The following CSGALNACT1 variants were observed in gnomAD, a reference collection of about 807,000 sequenced individuals.
The protein encoded by CSGALNACT1 is beta4GalNAcT-1.
A neutral mutation model predicts 51.0 loss-of-function variants in CSGALNACT1; 52 were observed. The observed-to-expected ratio is 1.02, with a 90% CI of 0.82 to 1.29. The LOEUF is 1.29. CSGALNACT1 is among the 50% of genes most tolerant of loss of function. The probability of loss-of-function intolerance (pLI) is 0.00; values close to 1 mark genes in which losing one functional copy is unlikely to be tolerated. For missense variants in CSGALNACT1, 935 were observed against 679.2 expected, an observed-to-expected ratio of 1.38 and a Z score of -4.19; for synonymous variants, 341 against 254.4, an observed-to-expected ratio of 1.34 and a Z score of -3.24.
At chr8:19,753,339 C>G (rs1399065461) in intron 1 of CSGALNACT1, among the ~76,000 whole-genome samples, 1 of 147,660 alleles carries the variant, frequency 6.8e-6, no homozygotes, top group South Asian at 2.1e-4. Context: ...GATTACTGAC[C>G]TAGACCTTGA....
At chr8:19,409,111 G>C (rs552832959) in intron 8 of CSGALNACT1, among the ~76,000 whole-genome samples, 1 of 152,200 alleles carries the variant, frequency 6.6e-6, no homozygotes, top group Non-Finnish European at 1.5e-5. Flanking sequence ...CAGCGAGCCA[G>C]CAAAGGGCTC....
intron 1 of CSGALNACT1, among the ~76,000 whole-genome samples, chr8:19,638,438 C>T (rs1409195901): frequency 6.6e-6 from 1 of 152,122 alleles, no homozygotes; most frequent in African/African-American, 2.4e-5. Flanking sequence ...TTTTCCTGCC[C>T]TGTAAGATTA....
intron 6 of CSGALNACT1, among the ~76,000 whole-genome samples, chr8:19,431,806 CTTTT>C (rs1475369541): frequency 8.9e-6 from 1 of 112,426 alleles, no homozygotes; most frequent in African/African-American, 2.8e-5. Flanking sequence ...GTGGAAAGTT[CTTTT>C]TTCTTTTTTT....
At chr8:19,427,729 C>T (rs1032850323) in intron 6 of CSGALNACT1, among the ~76,000 whole-genome samples, 5 of 151,866 alleles carry the variant, frequency 3.3e-5, no homozygotes, top group East Asian at 1.9e-4. Context: ...CGAAGCTTGC[C>T]GTTAGCCGAG....
At chr8:19,530,016 T>TG (rs2082426796) in intron 3 of CSGALNACT1, among the ~76,000 whole-genome samples, 1 of 152,130 alleles carries the variant, frequency 6.6e-6, no homozygotes, top group African/African-American at 2.4e-5. Context: ...GCTCAGGAGT[T>TG]GGAGTCCAGC....
intron 1 of CSGALNACT1, among the ~76,000 whole-genome samples, chr8:19,631,271 A>G (rs369551755): frequency 1.3e-5 from 2 of 152,200 alleles, no homozygotes; most frequent in South Asian, 2.1e-4. Context: ...GAAAAAAAAA[A>G]CTGCCAAACT....
At chr8:19,454,684 A>G (rs1369851953) in intron 5 of CSGALNACT1, among the ~76,000 whole-genome samples, 4 of 152,150 alleles carry the variant, frequency 2.6e-5, no homozygotes, top group African/African-American at 9.7e-5. Flanking sequence ...AAATAAATAA[A>G]TGATTGCTAA....
chr8:19,634,723 A>G (rs1387497016), intron 1 of CSGALNACT1, among the ~76,000 whole-genome samples: 1 of 152,158 alleles, frequency 6.6e-6, no homozygotes, highest in African/African-American at 2.4e-5. Flanking sequence ...ATATGGAGAC[A>G]CAGAGAGAAG....
At chr8:19,641,064 CA>C (rs1350025947) in intron 1 of CSGALNACT1, among the ~76,000 whole-genome samples, 3 of 151,318 alleles carry the variant, frequency 2.0e-5, no homozygotes. Context: ...TCTCTCCTTC[CA>C]TGGAGTTCTC....
Position 19,658,698 on chromosome 8 carries a change from CACTCCAGCCTGGGTGACAA to C in CSGALNACT1, c.-544+23756_-544+23774del, listed in dbSNP as rs2058506014. Among the ~76,000 whole-genome samples the C allele has an allele frequency of 5.3e-5, 8 of 152,258 alleles. No individual in the cohort carries two copies. In the South Asian group the frequency reaches 1.7e-3, roughly 32 times the overall value. Reference sequence around the variant, plus strand: ...ACAGTGAGCTGAGATCGCGACACTGCACTCCAGCCTGGGTGACAAAGCAAGGCCCTGTCTCAAAACAACA... The same window carrying C: ...ACAGTGAGCTGAGATCGCGACACTGCAGCAAGGCCCTGTCTCAAAACAACA... On this transcript the variant is annotated intron_variant, in intron 1 of 9. Transcript: ENST00000332246.
intron 2 of CSGALNACT1, among the ~76,000 whole-genome samples, chr8:19,592,963 T>A (rs2048149635): frequency 6.6e-6 from 1 of 152,228 alleles, no homozygotes; most frequent in Non-Finnish European, 1.5e-5. Flanking sequence ...TAAATGCTTT[T>A]TGACTTACAA....
intron 3 of CSGALNACT1, among the ~76,000 whole-genome samples, chr8:19,525,164 C>T (rs146865783): frequency 5.7e-4 from 87 of 152,330 alleles, no homozygotes; most frequent in African/African-American, 1.9e-3. Flanking sequence ...GCTCTCCTTC[C>T]AGGGCAATCC....
chr8:19,501,006 T>G (rs918898101), intron 4 of CSGALNACT1, among the ~76,000 whole-genome samples: 3 of 151,860 alleles, frequency 2.0e-5, no homozygotes, highest in African/African-American at 7.3e-5. Flanking sequence ...TCCCAGCACT[T>G]TGGGAGGCTG....
intron 2 of CSGALNACT1, among the ~76,000 whole-genome samples, chr8:19,599,412 G>C (rs1026736583): frequency 1.5e-5 from 2 of 137,650 alleles, no homozygotes; most frequent in African/African-American, 6.2e-5. Flanking sequence ...AAAAAGGAAA[G>C]AAAGGAAGGA....
chr8:19,730,237 A>G (rs965632955), intron 1 of CSGALNACT1, among the ~76,000 whole-genome samples: 1 of 109,096 alleles, frequency 9.2e-6, no homozygotes, highest in Admixed American at 9.1e-5. Context: ...CCGTTCCTAA[A>G]TCAGAATGCT....
At chr8:19,426,149 C>T (rs2058746558) in intron 6 of CSGALNACT1, among the ~76,000 whole-genome samples, 2 of 152,134 alleles carry the variant, frequency 1.3e-5, no homozygotes, top group East Asian at 1.9e-4. Context: ...ATCCACTGGA[C>T]GAATCAAGAG....
rs557764991 is a variant in CSGALNACT1 at position 19,577,152 on chromosome 8, C to T, written c.-297+14008G>A. ...TTCATCAAAGCCTGACAAACCAGTGCCCCTTCTTGCACCTAGAAATAGACT... is the reference window on the plus strand; with the variant it reads ...TTCATCAAAGCCTGACAAACCAGTGTCCCTTCTTGCACCTAGAAATAGACT... On this transcript the variant is annotated intron_variant, in intron 3 of 9. Transcript: ENST00000454498. 2.8e-3 allele frequency among the ~76,000 whole-genome samples: 422 copies of T among 152,290 alleles called. 4 individuals carry two copies. Among genetic ancestry groups the T allele is most frequent in the Non-Finnish European group, 3.0e-3 (201 of 68,034 alleles).
chr8:19,597,107 C>T (rs2049066969), intron 2 of CSGALNACT1, among the ~76,000 whole-genome samples: 1 of 152,088 alleles, frequency 6.6e-6, no homozygotes, highest in African/African-American at 2.4e-5. Context: ...TGTCATACTG[C>T]GACTGGCTAA....
chr8:19,562,315 C>T (rs1234543951), intron 3 of CSGALNACT1, among the ~76,000 whole-genome samples: 1 of 152,118 alleles, frequency 6.6e-6, no homozygotes, highest in South Asian at 2.1e-4. Context: ...TTTTGAAGTG[C>T]CCTTTTACAT....
Sources: allele counts gnomAD v4.1 joint callset (sites outside exome capture counted in the v4.1 genomes callset), GRCh38; gene constraint gnomAD v4.1.1; transcripts MANE v1.5; gene names NCBI Gene and HGNC (gene_info 2026-07-23, HGNC 2026-07-21).